The following HTRA1 variants were observed in gnomAD, a reference collection of about 807,000 sequenced individuals.
HTRA1 encodes the protein serine protease HTRA1.
A neutral mutation model predicts 49.7 loss-of-function variants in HTRA1; 26 were observed. That is an observed-to-expected ratio of 0.52 (90% CI 0.38 to 0.73). The LOEUF is 0.73. Among genes scored for constraint, HTRA1 ranks in the 30% least tolerant of loss-of-function variants. HTRA1 has a pLI of 0.00. For missense variants in HTRA1, 561 were observed against 667.2 expected, an observed-to-expected ratio of 0.84 and a Z score of 1.75; for synonymous variants, 291 against 286.9, an observed-to-expected ratio of 1.01 and a Z score of -0.14.
In HTRA1 at chr10:122,506,509, G is replaced by A. The variant is rs1243955283; in HGVS notation, c.778-182G>A. Among the ~76,000 whole-genome samples, 1 of 151,936 alleles carries A rather than the reference G, an allele frequency of 6.6e-6. No homozygotes were observed. Among genetic ancestry groups the A allele is most frequent in the Non-Finnish European group, 1.5e-5 (1 of 67,982 alleles). On this transcript the variant is annotated intron_variant, in intron 3 of 8. Transcript: ENST00000368984. This position sits in a 1 kb window ranked among gnomAD's most constrained non-coding sequence, Gnocchi z 5.2. ...ACGGCTTGCAATGTGTGGATTACGG[G>A]TGGGAGGGAAATCCAGTCCTGCCCG...
intron 3 of HTRA1, among the ~76,000 whole-genome samples, chr10:122,498,686 C>T (rs1033198960): frequency 2.0e-5 from 3 of 152,200 alleles, no homozygotes; most frequent in Non-Finnish European, 4.4e-5. Flanking sequence ...ATTCCTGGTC[C>T]ACCACCTCCC....
intron 3 of HTRA1, among the ~76,000 whole-genome samples, chr10:122,502,881 T>C (rs960343896): frequency 6.6e-6 from 1 of 152,234 alleles, no homozygotes; most frequent in African/African-American, 2.4e-5. Context: ...TTGCATTTTC[T>C]TTTCCCCCCA....
Position 122,512,129 on chromosome 10 carries a change from A to T in HTRA1, c.1274+64A>T. 5.2e-6 allele frequency: 6 copies of T among 1,160,938 alleles called. No homozygotes were observed. In the South Asian group the frequency reaches 7.3e-5, roughly 14 times the overall value. 71.9% of individuals were successfully genotyped at this position (1,160,938 alleles called of 1,614,324 possible). A position where few individuals can be genotyped will look rare whatever the true frequency, so the allele number is the denominator to read the frequency against. On this transcript the variant is annotated intron_variant, in intron 8 of 8. Coordinates refer to ENST00000368984, the MANE Select transcript of HTRA1 (RefSeq NM_002775.5). ...TTGTTCCTGTGGGGGTAGCAGGAAG[A>T]GGGAGCGCTGTTCCTTTTCTACTGG...
Position 122,510,158 on chromosome 10 carries a change from G to C in HTRA1, c.1178+5G>C, listed in dbSNP as rs2097504965. 1 of 1,612,034 alleles carries C rather than the reference G, an allele frequency of 6.2e-7. No homozygotes were observed. The highest frequency in any genetic ancestry group is 8.5e-7 in the Non-Finnish European group (1 of 1,178,148). ...AATGATGTCACTCACGTCCAGGTGG[G>C]TAAACAGGATGCGTGTCTGTGTCTT... On this transcript the variant is annotated splice_donor_5th_base_variant and intron_variant, in intron 7 of 8. Transcript: ENST00000368984.
chr10:122,468,659 T>C (rs1212079418), intron 1 of HTRA1, among the ~76,000 whole-genome samples: 1 of 152,202 alleles, frequency 6.6e-6, no homozygotes, highest in East Asian at 1.9e-4. Context: ...CTGTCACCCT[T>C]TGAGGTCCCA....
intron 1 of HTRA1, among the ~76,000 whole-genome samples, chr10:122,481,154 C>T (rs183778554): frequency 8.5e-4 from 130 of 152,252 alleles, no homozygotes; most frequent in African/African-American, 3.1e-3. Context: ...CTGCTACCCA[C>T]ACACTCACTG....
In HTRA1 at chr10:122,514,396, G is replaced by C. The variant is rs1485685980; in HGVS notation, c.*37G>C. Reference sequence around the variant, plus strand: ...AGCTGGACTTCATGTTTCCCTCAAAGACTCTCCCGTGGATGACGGATGAGG... The same window carrying C: ...AGCTGGACTTCATGTTTCCCTCAAACACTCTCCCGTGGATGACGGATGAGG... On this transcript the variant is annotated 3_prime_UTR_variant, in exon 9 of 9. Transcript: ENST00000368984. 6.2e-7 allele frequency: 1 copy of C among 1,604,668 alleles called. No homozygotes were observed. The highest frequency in any genetic ancestry group is 8.5e-7 in the Non-Finnish European group (1 of 1,171,794).
At chr10:122,476,214 G>A (rs185427390) in intron 1 of HTRA1, among the ~76,000 whole-genome samples, 58 of 152,306 alleles carry the variant, frequency 3.8e-4, no homozygotes, top group African/African-American at 1.3e-3. Context: ...TCACGGCTCA[G>A]TTAAATGCAG....
At chr10:122,471,695 A>G (rs2097486196) in intron 1 of HTRA1, among the ~76,000 whole-genome samples, 1 of 152,158 alleles carries the variant, frequency 6.6e-6, no homozygotes, top group African/African-American at 2.4e-5. Flanking sequence ...TGACTCTCAC[A>G]AGCTGCACAG....
chr10:122,509,435 G>A (rs1370577935), intron 6 of HTRA1, among the ~76,000 whole-genome samples: 3 of 152,202 alleles, frequency 2.0e-5, no homozygotes, highest in Admixed American at 6.5e-5. Context: ...GGGATGTGGG[G>A]GGAACACTCC....
At chr10:122,478,817 A>G (rs1373006347) in intron 1 of HTRA1, among the ~76,000 whole-genome samples, 1 of 152,234 alleles carries the variant, frequency 6.6e-6, no homozygotes, top group East Asian at 1.9e-4. Context: ...AGCTGGCCCC[A>G]TGGGCATGGA....
Position 122,514,468 on chromosome 10 carries a change from T to G in HTRA1, c.*109T>G. The G allele has an allele frequency of 5.4e-6, 6 of 1,119,102 alleles. No individual in the cohort carries two copies. Among genetic ancestry groups the G allele is most frequent in the Non-Finnish European group, 8.1e-6 (6 of 740,164 alleles). 69.3% of individuals were successfully genotyped at this position (1,119,102 alleles called of 1,614,324 possible). On this transcript the variant is annotated 3_prime_UTR_variant, in exon 9 of 9. Coordinates refer to ENST00000368984, the MANE Select transcript of HTRA1 (RefSeq NM_002775.5). Reference sequence around the variant, plus strand: ...ACACTCAAGACTTTTGACTGCCATTTTGTTTGTTCAGTGGAGACTCCCTGG... The same window carrying G: ...ACACTCAAGACTTTTGACTGCCATTGTGTTTGTTCAGTGGAGACTCCCTGG...
chr10:122,486,295 A>T (rs1490907849), intron 1 of HTRA1, among the ~76,000 whole-genome samples: 1 of 152,136 alleles, frequency 6.6e-6, no homozygotes, highest in Non-Finnish European at 1.5e-5. Flanking sequence ...AGAAAAAATT[A>T]AATTAAGGCA....
At chr10:122,486,217 C>G (rs1284365525) in intron 1 of HTRA1, among the ~76,000 whole-genome samples, 1 of 152,116 alleles carries the variant, frequency 6.6e-6, no homozygotes, top group African/African-American at 2.4e-5. Flanking sequence ...TATTTAAAGT[C>G]TGCGAGCCTC....
chr10:122,472,129 TGG>T (rs2097486375), intron 1 of HTRA1, among the ~76,000 whole-genome samples: 2 of 152,054 alleles, frequency 1.3e-5, no homozygotes, highest in Admixed American at 1.3e-4. Flanking sequence ...TTTTCAGCTG[TGG>T]TTAGATTTTC....
At chr10:122,513,221 A>G (rs954323626) in intron 8 of HTRA1, among the ~76,000 whole-genome samples, 1 of 152,220 alleles carries the variant, frequency 6.6e-6, no homozygotes, top group Non-Finnish European at 1.5e-5. Flanking sequence ...TAAGAGCTAC[A>G]GTTATAGTGG....
At chr10:122,471,186 T>C (rs1382562199) in intron 1 of HTRA1, among the ~76,000 whole-genome samples, 1 of 152,164 alleles carries the variant, frequency 6.6e-6, no homozygotes, top group Non-Finnish European at 1.5e-5. Flanking sequence ...GTCTGACCTT[T>C]CTCCACCAGC....
rs145480959 is a variant in HTRA1 at position 122,509,009 on chromosome 10, G to A, written c.1120+239G>A. Among the ~76,000 whole-genome samples the A allele has an allele frequency of 3.4e-3, 519 of 152,348 alleles. 2 individuals are homozygous for A. The highest frequency in any genetic ancestry group is 0.021 in the South Asian group (100 of 4,832). On this transcript the variant is annotated intron_variant, in intron 6 of 8. Transcript: ENST00000368984. ...AGTCAGTCTAATATGTACCAGGCAT[G>A]ATCCTAGGTGACTTGTGTACATTAT...
intron 1 of HTRA1, among the ~76,000 whole-genome samples, chr10:122,488,583 A>G (rs950456924): frequency 1.3e-5 from 2 of 152,188 alleles, no homozygotes; most frequent in Non-Finnish European, 2.9e-5. Context: ...AAAAAAAACA[A>G]AAAACAAACT....
Sources: gnomAD v4.1 joint callset for allele counts (sites outside exome capture counted in the v4.1 genomes callset) on GRCh38, gnomAD v4.1.1 for gene constraint, Gnocchi (gnomAD v3.1) non-coding constraint, MANE v1.5 for transcripts, NCBI Gene and HGNC (gene_info 2026-07-23, HGNC 2026-07-21) for gene names.